The following PAPOLG variants were observed in gnomAD, a reference collection of about 807,000 sequenced individuals.
PAPOLG encodes the protein PAP-gamma.
PAPOLG carries 40 observed loss-of-function variants against 99.0 expected under a neutral mutation model. That is an observed-to-expected ratio of 0.40 (90% confidence interval 0.31 to 0.53). The LOEUF (loss-of-function observed/expected upper bound fraction) is 0.53. Ranked by LOEUF, PAPOLG falls within the 20% of genes least tolerant of loss-of-function variation. The pLI, the probability that PAPOLG is intolerant of heterozygous loss-of-function variation, is 0.41. For synonymous variants in PAPOLG, 310 were observed against 299.3 expected, an observed-to-expected ratio of 1.04 and a Z score of -0.37; for missense variants, 675 against 884.1, an observed-to-expected ratio of 0.76 and a Z score of 3.00.
At chr2:60,773,698 T>C (rs1190796648) in intron 7 of PAPOLG, among the ~76,000 whole-genome samples, 1 of 112,504 alleles carries the variant, frequency 8.9e-6, no homozygotes, top group African/African-American at 3.5e-5. Flanking sequence ...CACTATAAAA[T>C]GTGAAAAAAA....
At position 60,801,027 on chromosome 2, in the gene PAPOLG, A is replaced by G. The variant is rs1232939794; in HGVS notation, c.*3867A>G. The G allele has an allele frequency of 2.0e-5, 3 of 152,350 alleles. No homozygotes were observed. The highest frequency in any genetic ancestry group is 2.0e-4 in the Admixed American group (3 of 15,284). The allele number at this position is 152,350 out of a possible 1,614,324, so 9.4% of individuals were successfully genotyped here. A position where few individuals can be genotyped will look rare whatever the true frequency, so the allele number is the denominator to read the frequency against. ...CAGATTTACAGATGGCCTCATGATA[A>G]CTTAGATTCGTTAACAGGGTCAAAC... On this transcript the variant is annotated 3_prime_UTR_variant, in exon 22 of 22. Coordinates refer to ENST00000238714, the MANE Select transcript of PAPOLG (RefSeq NM_022894.4).
chr2:60,794,422 G>A, intron 19 of PAPOLG: 2 of 582,634 alleles, frequency 3.4e-6, no homozygotes, highest in Non-Finnish European at 5.9e-6. Flanking sequence ...AGTCATTACT[G>A]ATAACAAAAT....
chr2:60,783,110 C>A, intron 12 of PAPOLG, 46 bp from the exon 13 acceptor site: 1 of 1,504,384 alleles, frequency 6.6e-7, no homozygotes, highest in South Asian at 1.4e-5. Context: ...CAGGCTGTAA[C>A]AATTTTTCTG....
intron 1 of PAPOLG, among the ~76,000 whole-genome samples, chr2:60,758,054 T>G (rs993773735): frequency 6.6e-6 from 1 of 152,236 alleles, no homozygotes; most frequent in Non-Finnish European, 1.5e-5. Context: ...CAGGTACTTA[T>G]CTGTAAAATG....
In PAPOLG at chr2:60,779,639, C is replaced by T. The variant is rs775120420; in HGVS notation, c.697C>T (p.Arg233Cys). ...LRAVKLWAKR[R>C]GIYSNMLGFL... ...TAACAAATATATTGATTTTCTAGGACGTGGTATTTATTCCAACATGCTAGG... is the reference window on the plus strand; with the variant it reads ...TAACAAATATATTGATTTTCTAGGATGTGGTATTTATTCCAACATGCTAGG... The change falls in exon 9 of 22, where the codon CGT (arginine) becomes TGT (cysteine). Residue 233 changes from arginine to cysteine, a missense_variant and splice_region_variant. Arg to Cys is a radical substitution (Grantham distance 180, BLOSUM62 -3). Around this residue, in one of 3 missense-constraint regions of PAPOLG, gnomAD observed 113 missense variants for 231.5 expected, o/e 0.49. Coordinates refer to ENST00000238714, the MANE Select transcript of PAPOLG (RefSeq NM_022894.4). 1 of 1,605,460 alleles carries T rather than the reference C, an allele frequency of 6.2e-7. No homozygotes were observed. Among genetic ancestry groups the T allele is most frequent in the Non-Finnish European group, 8.5e-7 (1 of 1,174,864 alleles).
rs757395562 is a variant in PAPOLG, at chr2:60,793,726, A to G, written c.1768+11A>G. 6.2e-7 allele frequency: 1 copy of G among 1,608,248 alleles called. No individual in the cohort carries two copies. The highest frequency in any genetic ancestry group is 8.5e-7 in the Non-Finnish European group (1 of 1,176,880). ...CAGTGATTGGCGCAAGTAGGTATCTAAACTTGTATATATTAATAATTATAT... is the reference window on the plus strand; with the variant it reads ...CAGTGATTGGCGCAAGTAGGTATCTGAACTTGTATATATTAATAATTATAT... On this transcript the variant is annotated intron_variant, in intron 18 of 21. Transcript: ENST00000238714.
intron 15 of PAPOLG, among the ~76,000 whole-genome samples, chr2:60,788,887 G>T (rs1671446726): frequency 6.6e-6 from 1 of 152,060 alleles, no homozygotes; most frequent in Admixed American, 6.6e-5. Context: ...CCAGCTATCT[G>T]GGAGGCTGAG....
At chr2:60,782,120 A>ATTCT in intron 11 of PAPOLG, 115 bp downstream of exon 11, 2 of 1,128,850 alleles carry the variant, frequency 1.8e-6, no homozygotes, top group East Asian at 4.8e-5. Flanking sequence ...CTTTCTAAAA[A>ATTCT]TTCTTTCAAG....
At chr2:60,792,391 A>G (rs886492133) in intron 17 of PAPOLG, 102 bp downstream of exon 17, 1 of 1,103,998 alleles carries the variant, frequency 9.1e-7, no homozygotes, top group Non-Finnish European at 1.3e-6. Context: ...TAAAATTGTT[A>G]AAAGATTTCA....
At chr2:60,792,732 CA>C (rs909407002) in intron 17 of PAPOLG, among the ~76,000 whole-genome samples, 7 of 152,074 alleles carry the variant, frequency 4.6e-5, no homozygotes, top group African/African-American at 1.7e-4. Context: ...CCTGTCTATA[CA>C]AAAAAATACA....
chr2:60,787,103 T>C (rs546731533), intron 14 of PAPOLG, 37 bp downstream of exon 14: 1 of 1,497,888 alleles, frequency 6.7e-7, no homozygotes, highest in South Asian at 1.3e-5. Context: ...ATTTCTTAAA[T>C]AATGTTATTT....
Position 60,794,187 on chromosome 2 carries a change from A to C in PAPOLG, c.1985A>C (p.Glu662Ala), listed in dbSNP as rs1671628967. The C allele has an allele frequency of 3.7e-6, 6 of 1,611,738 alleles. No homozygotes were observed. Among genetic ancestry groups the C allele is most frequent in the Non-Finnish European group, 4.2e-6 (5 of 1,178,178 alleles). ...DGTPKRLKDVEKFIRLESTFK... is the reference protein window; with the variant it reads ...DGTPKRLKDVAKFIRLESTFK... ...ACTCCTAAGAGGTTGAAAGACGTAGAAAAGGTAAAGTTACAACTTTAGTGG... is the reference window on the plus strand; with the variant it reads ...ACTCCTAAGAGGTTGAAAGACGTAGCAAAGGTAAAGTTACAACTTTAGTGG... Residue 662 changes from glutamate to alanine, a missense_variant, in exon 19 of 22, where the codon GAA becomes GCA. Glu to Ala is a moderately radical substitution (Grantham distance 107, BLOSUM62 -1). Around this residue, in one of 3 missense-constraint regions of PAPOLG, gnomAD observed 413 missense variants for 460.5 expected, o/e 0.90. Transcript: ENST00000238714.
Position 60,798,411 on chromosome 2 carries a change from A to G in PAPOLG, c.*1251A>G, listed in dbSNP as rs1671773118. On this transcript the variant is annotated 3_prime_UTR_variant, in exon 22 of 22. Transcript: ENST00000238714. ...TAAATGAAGTCGTATGTATTTTCAG[A>G]GTATTTTTGTATGTACTGTAAGATA... The G allele has an allele frequency of 6.5e-6, 1 of 152,792 alleles. No homozygotes were observed. The highest frequency in any genetic ancestry group is 1.5e-5 in the Non-Finnish European group (1 of 68,034). 9.5% of individuals were successfully genotyped at this position (152,792 alleles called of 1,614,324 possible). A position where few individuals can be genotyped will look rare whatever the true frequency, so the allele number is the denominator to read the frequency against.
At chr2:60,765,318 T>C (rs1284988199) in intron 3 of PAPOLG, among the ~76,000 whole-genome samples, 1 of 148,088 alleles carries the variant, frequency 6.8e-6, no homozygotes, top group Non-Finnish European at 1.5e-5. Context: ...ACTCAAGTGA[T>C]CCTCCTGCTT....
intron 3 of PAPOLG, among the ~76,000 whole-genome samples, chr2:60,763,081 A>AT (rs1221738427): frequency 1.8e-3 from 238 of 135,746 alleles, no homozygotes; most frequent in African/African-American, 5.2e-3. Context: ...ATTTTATTTT[A>AT]TTTTTTTTTT....
At chr2:60,794,938 A>C in intron 20 of PAPOLG, 26 bp from the exon 21 acceptor site, 2 of 1,609,640 alleles carry the variant, frequency 1.2e-6, no homozygotes, top group South Asian at 1.1e-5. Context: ...GTTAGTTTTC[A>C]CTTGTGTTGA....
chr2:60,796,402 G>T (rs544870701), intron 21 of PAPOLG, among the ~76,000 whole-genome samples: 1 of 151,948 alleles, frequency 6.6e-6, no homozygotes, highest in South Asian at 2.1e-4. Flanking sequence ...GCCTCCCAAA[G>T]TTCTGGGATT....
chr2:60,781,766 T>C (rs570513824), intron 10 of PAPOLG, 119 bp from the exon 11 acceptor site: 1 of 1,388,204 alleles, frequency 7.2e-7, no homozygotes, highest in Non-Finnish European at 9.8e-7. Context: ...ATGTACTTCT[T>C]AAACTTGAGG....
At chr2:60,782,665 T>TTC in intron 11 of PAPOLG, 21 bp from the exon 12 acceptor site, 1 of 1,365,276 alleles carries the variant, frequency 7.3e-7, no homozygotes, top group Non-Finnish European at 9.5e-7. Flanking sequence ...TTTTTTTTTT[T>TTC]TTTTTTTTTT....
Sources: allele counts gnomAD v4.1 joint callset (sites outside exome capture counted in the v4.1 genomes callset), GRCh38; gene constraint gnomAD v4.1.1; regional missense constraint gnomAD v4.1.1; transcripts MANE v1.5; gene names NCBI Gene and HGNC (gene_info 2026-07-23, HGNC 2026-07-21).